PRKN: variants seen among roughly 807,000 people sequenced by gnomAD.
The protein encoded by PRKN is E3 ubiquitin-protein ligase parkin.
A neutral mutation model predicts 59.5 loss-of-function variants in PRKN; 56 were observed. The observed-to-expected ratio is 0.94, with a 90% CI of 0.76 to 1.18. PRKN has a LOEUF of 1.18. Among genes scored for constraint, PRKN ranks in the 50% most tolerant of loss-of-function variants. The pLI, the probability that PRKN is intolerant of heterozygous loss-of-function variation, is 0.00. For synonymous variants in PRKN, 250 were observed against 222.1 expected (o/e 1.13, Z -1.12); for missense variants, 657 against 596.4 (o/e 1.10, Z -1.06).
At chr6:161,975,252 A>G (rs888190973) in intron 5 of PRKN, among the ~76,000 whole-genome samples, 5 of 151,568 alleles carry the variant, frequency 3.3e-5, no homozygotes, top group African/African-American at 1.2e-4. Context: ...CGCCTGGCCA[A>G]TTTTTCGTAT....
intron 7 of PRKN, among the ~76,000 whole-genome samples, chr6:161,704,568 G>A (rs1038853392): frequency 3.9e-5 from 6 of 152,040 alleles, no homozygotes; most frequent in Admixed American, 1.3e-4. Flanking sequence ...CTAAATCAAG[G>A]GCTTTACAAA....
chr6:161,858,995 G>A (rs958651615), intron 6 of PRKN, among the ~76,000 whole-genome samples: 9 of 149,602 alleles, frequency 6.0e-5, no homozygotes, highest in South Asian at 2.2e-4. Context: ...TCGGCCTCCC[G>A]AGTAGCTGGG....
intron 7 of PRKN, among the ~76,000 whole-genome samples, chr6:161,632,136 G>A (rs1783337469): frequency 6.6e-6 from 1 of 152,168 alleles, no homozygotes; most frequent in South Asian, 2.1e-4. Flanking sequence ...TGGAACTGAT[G>A]AGTCATGGCT....
At chr6:161,957,695 T>A (rs1780233344) in intron 6 of PRKN, among the ~76,000 whole-genome samples, 1 of 152,188 alleles carries the variant, frequency 6.6e-6, no homozygotes, top group Non-Finnish European at 1.5e-5. Context: ...AATGCTGGGA[T>A]TACAGGCGTG....
chr6:161,699,844 C>T (rs1786178463), intron 7 of PRKN, among the ~76,000 whole-genome samples: 1 of 152,138 alleles, frequency 6.6e-6, no homozygotes, highest in South Asian at 2.1e-4. Context: ...TCAGACTGTA[C>T]ACTTTCAACA....
At chr6:162,064,938 C>T (rs778713039) in intron 4 of PRKN, among the ~76,000 whole-genome samples, 9 of 152,208 alleles carry the variant, frequency 5.9e-5, no homozygotes, top group Non-Finnish European at 1.5e-5. Flanking sequence ...AATTTGAAAT[C>T]CTAAAAGTCT....
chr6:161,817,929 G>A (rs936073216), intron 6 of PRKN, among the ~76,000 whole-genome samples: 1 of 152,196 alleles, frequency 6.6e-6, no homozygotes, highest in Non-Finnish European at 1.5e-5. Context: ...GACCCCCGAA[G>A]AGCCTGAAGA....
intron 1 of PRKN, among the ~76,000 whole-genome samples, chr6:162,447,725 AT>A (rs1790390038): frequency 6.6e-6 from 1 of 152,134 alleles, no homozygotes; most frequent in African/African-American, 2.4e-5. Flanking sequence ...AATATCAATA[AT>A]TAATGATTCT....
At chr6:162,646,747 T>C (rs901256195) in intron 1 of PRKN, among the ~76,000 whole-genome samples, 1 of 152,146 alleles carries the variant, frequency 6.6e-6, no homozygotes, top group African/African-American at 2.4e-5. Context: ...GGCTGTATGG[T>C]AGAGCCTCCT....
chr6:162,226,159 T>C (rs1349091620), intron 3 of PRKN, among the ~76,000 whole-genome samples: 1 of 150,834 alleles, frequency 6.6e-6, no homozygotes, highest in Non-Finnish European at 1.5e-5. Context: ...GTGCTTACCC[T>C]AAGAAAGAAA....
In PRKN at chr6:161,560,069, C is replaced by A. The variant is rs1271918162; in HGVS notation, c.933+9286G>T. Reference sequence around the variant, plus strand: ...ATCATTGCTTCAGAGGCTCAAGCTGCCTGTCATTCTTATCACCCAAACTGT... The same window carrying A: ...ATCATTGCTTCAGAGGCTCAAGCTGACTGTCATTCTTATCACCCAAACTGT... On this transcript the variant is annotated intron_variant, in intron 8 of 11. Transcript: ENST00000366898. The surrounding 1 kb of genome is among the most constrained non-coding windows in gnomAD (Gnocchi z 4.9). Among the ~76,000 whole-genome samples, 1 of 152,170 alleles carries A rather than the reference C, an allele frequency of 6.6e-6. No homozygotes were observed.
At chr6:162,146,821 C>G (rs1317985251) in intron 4 of PRKN, among the ~76,000 whole-genome samples, 1 of 151,654 alleles carries the variant, frequency 6.6e-6, no homozygotes, top group East Asian at 2.0e-4. Flanking sequence ...TTTTATTCCT[C>G]CTGGGCTCAA....
At chr6:162,714,872 C>T (rs1778664798) in intron 1 of PRKN, among the ~76,000 whole-genome samples, 1 of 152,198 alleles carries the variant, frequency 6.6e-6, no homozygotes, top group Admixed American at 6.5e-5. Flanking sequence ...AAAATCTCTA[C>T]TTCTTCCAAA....
At chr6:161,600,847 C>A (rs1455339772) in intron 7 of PRKN, among the ~76,000 whole-genome samples, 1 of 152,104 alleles carries the variant, frequency 6.6e-6, no homozygotes, top group African/African-American at 2.4e-5. Context: ...GCAGCTAAGT[C>A]ATAATCTTAC....
chr6:162,672,996 C>T (rs1779391920), intron 1 of PRKN, among the ~76,000 whole-genome samples: 2 of 152,058 alleles, frequency 1.3e-5, no homozygotes, highest in Non-Finnish European at 2.9e-5. Context: ...TGAAATATTG[C>T]TGGAAAGATG....
intron 4 of PRKN, among the ~76,000 whole-genome samples, chr6:162,074,138 C>T (rs1380445044): frequency 1.4e-5 from 2 of 142,280 alleles, no homozygotes; most frequent in East Asian, 2.0e-4. Flanking sequence ...TGGGTATATA[C>T]CCAAAGGACT....
rs1562602190 is a variant in PRKN, at chr6:162,235,954, A to AAGAAAGGAAGG, written c.412+26570_412+26571insCCTTCCTTTCT. ...GGAAGGAAGGAAGGAAGGAAGGAAG[A>AAGAAAGGAAGG]AAGGAAGAAAGAAAGAAAGAAAGAA... is the stretch of plus-strand genomic sequence containing the variant. On this transcript the variant is annotated intron_variant, in intron 3 of 11. Transcript: ENST00000366898. Among the ~76,000 whole-genome samples, 2 of 77,094 alleles carry AAGAAAGGAAGG rather than the reference A, an allele frequency of 2.6e-5. 1 individual carries two copies. The highest frequency in any genetic ancestry group is 1.9e-3 in the East Asian group (2 of 1,042). 50.6% of individuals were successfully genotyped at this position (77,094 alleles called of 152,430 possible). A position where few individuals can be genotyped will look rare whatever the true frequency, so the allele number is the denominator to read the frequency against.
At chr6:162,426,852 A>G (rs1789262180) in intron 2 of PRKN, among the ~76,000 whole-genome samples, 1 of 152,280 alleles carries the variant, frequency 6.6e-6, no homozygotes, top group Non-Finnish European at 1.5e-5. Context: ...AATCATAAAC[A>G]AAGATGAAGT....
intron 1 of PRKN, among the ~76,000 whole-genome samples, chr6:162,558,675 A>G (rs1395652723): frequency 1.3e-5 from 2 of 148,218 alleles, no homozygotes; most frequent in Admixed American, 6.7e-5. Flanking sequence ...GTCTCATTCT[A>G]TCACTCAGGC....
Sources: gnomAD v4.1 joint callset for allele counts (sites outside exome capture counted in the v4.1 genomes callset) on GRCh38, gnomAD v4.1.1 for gene constraint, Gnocchi (gnomAD v3.1) non-coding constraint, MANE v1.5 for transcripts, NCBI Gene and HGNC (gene_info 2026-07-23, HGNC 2026-07-21) for gene names.